Variants in GRIK4 observed in about 807,000 individuals in gnomAD.
GRIK4 encodes glutamate receptor ionotropic, kainate 4.
Under a neutral mutation model 104.9 loss-of-function variants are expected in GRIK4, and 40 were observed. The ratio of observed to expected loss-of-function variants is 0.38; its 90% confidence interval spans 0.30 to 0.50. The LOEUF is 0.50. GRIK4 is among the 20% of genes least tolerant of loss of function. The pLI, the probability that GRIK4 is intolerant of heterozygous loss-of-function variation, is 0.93. For synonymous variants in GRIK4, 485 were observed against 524.9 expected (o/e 0.92, Z 1.04); for missense variants, 1,047 against 1,308.1 (o/e 0.80, Z 3.08).
At position 120,960,905 on chromosome 11, in the gene GRIK4, A is replaced by C; in HGVS notation, c.1875-4A>C. 1 of 1,611,642 alleles carries C rather than the reference A, an allele frequency of 6.2e-7. No homozygotes were observed. The highest frequency in any genetic ancestry group is 8.5e-7 in the Non-Finnish European group (1 of 1,178,846). On this transcript the variant is annotated splice_polypyrimidine_tract_variant and splice_region_variant and intron_variant, in intron 16 of 20. Transcript: ENST00000527524. ...TGATGACTTCCTCGTCTTTTCCTAC[A>C]TAGGTGGGCATTCACGCTGATCATC...
At position 120,719,027 on chromosome 11, in the gene GRIK4, C is replaced by T. The variant is rs921784167; in HGVS notation, c.82+58627C>T. Among the ~76,000 whole-genome samples the T allele has an allele frequency of 1.1e-4, 16 of 151,870 alleles. 1 individual carries two copies. The highest frequency in any genetic ancestry group is 9.7e-5 in the African/African-American group (4 of 41,324). On this transcript the variant is annotated intron_variant, in intron 3 of 20. Transcript: ENST00000527524. ...TAAAGAAGTAAAACAACAGGTTTTG[C>T]GGGTTTTTTTTAGATACACATTTAC...
At chr11:120,599,721 G>A (rs4936524) in intron 1 of GRIK4, among the ~76,000 whole-genome samples, 4,099 of 152,324 alleles carry the variant, frequency 0.027, 344 homozygotes, top group East Asian at 0.17. Context: ...TTCCTGGGGT[G>A]TGGGCCTCAG....
chr11:120,834,263 G>GGTGTGTGTGTGT (rs141196181), intron 7 of GRIK4, among the ~76,000 whole-genome samples: 130 of 146,086 alleles, frequency 8.9e-4, no homozygotes, highest in East Asian at 1.4e-3. Context: ...ACACTTTATA[G>GGTGTGTGTGTGT]GTGTGTGTGT....
intron 11 of GRIK4, among the ~76,000 whole-genome samples, chr11:120,897,278 G>A (rs185160381): frequency 0.014 from 2,080 of 152,050 alleles, 25 homozygotes; most frequent in Middle Eastern, 0.034. Context: ...TTTTTCACCT[G>A]GAGTTCTTTG....
At chr11:120,581,755 T>A (rs889969359) in intron 1 of GRIK4, among the ~76,000 whole-genome samples, 5 of 152,206 alleles carry the variant, frequency 3.3e-5, no homozygotes, top group Admixed American at 6.6e-5. Context: ...CCTTTTTTTT[T>A]TCTGAATAGT....
intron 18 of GRIK4, among the ~76,000 whole-genome samples, chr11:120,964,496 C>T (rs977723477): frequency 2.6e-5 from 4 of 152,152 alleles, no homozygotes; most frequent in African/African-American, 7.2e-5. Context: ...AGATTATGGA[C>T]ACCTTTGAGA....
At chr11:120,568,790 G>A in intron 1 of GRIK4, among the ~76,000 whole-genome samples, 1 of 152,152 alleles carries the variant, frequency 6.6e-6, no homozygotes, top group Non-Finnish European at 1.5e-5. Flanking sequence ...AGAGAGGTTT[G>A]CTCCCCACCC....
intron 3 of GRIK4, among the ~76,000 whole-genome samples, chr11:120,746,912 T>C (rs1951448887): frequency 6.6e-6 from 1 of 152,198 alleles, no homozygotes; most frequent in African/African-American, 2.4e-5. Context: ...TTGAAGACTA[T>C]GGAGTTGGAA....
At chr11:120,599,137 C>A (rs1300375636) in intron 1 of GRIK4, among the ~76,000 whole-genome samples, 1 of 152,360 alleles carries the variant, frequency 6.6e-6, no homozygotes, top group African/African-American at 2.4e-5. Context: ...CGGGATATCA[C>A]GAGGCTGTGC....
intron 13 of GRIK4, among the ~76,000 whole-genome samples, chr11:120,930,757 G>T (rs1943466455): frequency 6.6e-6 from 1 of 152,176 alleles, no homozygotes; most frequent in South Asian, 2.1e-4. Flanking sequence ...AAATTTAACT[G>T]CAGAAAAGTA....
At chr11:120,874,022 C>A in intron 9 of GRIK4, 44 bp from the exon 10 acceptor site, 1 of 1,559,648 alleles carries the variant, frequency 6.4e-7, no homozygotes, top group Non-Finnish European at 8.8e-7. Flanking sequence ...TCTTCCTCTA[C>A]ACCTCTCACT....
chr11:120,579,237 T>C (rs1291657306), intron 1 of GRIK4, among the ~76,000 whole-genome samples: 2 of 151,200 alleles, frequency 1.3e-5, no homozygotes, highest in Non-Finnish European at 3.0e-5. Context: ...CCCCCCCCCT[T>C]TTTTTGGATG....
At chr11:120,869,581 GC>G (rs1206106385) in intron 9 of GRIK4, 2 of 152,354 alleles carry the variant, frequency 1.3e-5, no homozygotes, top group African/African-American at 4.8e-5. Context: ...GAGAGCATCA[GC>G]CAAGAAAACC....
intron 8 of GRIK4, 91 bp downstream of exon 8, chr11:120,836,935 C>T (rs3934628): frequency 0.41 from 349,328 of 852,544 alleles, 74,990 homozygotes; most frequent in East Asian, 0.53. Flanking sequence ...CAGGGGATGA[C>T]GAGTACAGGA....
intron 3 of GRIK4, among the ~76,000 whole-genome samples, chr11:120,782,531 T>C (rs988693380): frequency 6.6e-6 from 1 of 152,078 alleles, no homozygotes; most frequent in African/African-American, 2.4e-5. Flanking sequence ...GTGATCTGCC[T>C]GCCTTGGCCT....
At chr11:120,831,730 A>G in intron 6 of GRIK4, 122 bp from the exon 7 acceptor site, 2 of 667,958 alleles carry the variant, frequency 3.0e-6, no homozygotes, top group Non-Finnish European at 5.3e-6. Context: ...TAATGCTGTC[A>G]GTGGGGCCAG....
chr11:120,602,219 C>A (rs1948897770), intron 1 of GRIK4, among the ~76,000 whole-genome samples: 1 of 152,104 alleles, frequency 6.6e-6, no homozygotes, highest in South Asian at 2.1e-4. Context: ...CTGTGGAGGC[C>A]CCCCTTCTAG....
At chr11:120,962,874 C>T (rs1010199315) in intron 18 of GRIK4, 193 bp downstream of exon 18, 2 of 518,016 alleles carry the variant, frequency 3.9e-6, no homozygotes, top group African/African-American at 3.9e-5. Context: ...AATCAACGAC[C>T]AGTGCTCAAT....
chr11:120,620,201 A>G, intron 1 of GRIK4: 2 of 797,208 alleles, frequency 2.5e-6, no homozygotes, highest in Admixed American at 1.7e-5. Flanking sequence ...CCATCAGATG[A>G]TATCAATTTG....
Sources: gnomAD v4.1 joint callset for allele counts (sites outside exome capture counted in the v4.1 genomes callset) on GRCh38, gnomAD v4.1.1 for gene constraint, MANE v1.5 for transcripts, NCBI Gene and HGNC (gene_info 2026-07-23, HGNC 2026-07-21) for gene names.